TTN: variants seen among roughly 807,000 people sequenced by gnomAD.
The protein encoded by TTN is titin, also known as connectin.
A neutral mutation model predicts 3,223.0 loss-of-function variants in TTN; 1,525 were observed. That is an observed-to-expected ratio of 0.47 (90% CI 0.45 to 0.49). The LOEUF is 0.49. Among genes scored for constraint, TTN ranks in the 20% least tolerant of loss-of-function variants. The pLI, the probability that TTN is intolerant of heterozygous loss-of-function variation, is 0.00. For synonymous variants in TTN, 14,094 were observed against 15,161.0 expected (o/e 0.93, Z 5.17); for missense variants, 40,786 against 43,424.0 (o/e 0.94, Z 5.40).
rs771612568 is a variant in TTN at position 178,531,517 on chromosome 2, C to T, written c.105098G>A (p.Gly35033Glu). The T allele has an allele frequency of 8.1e-6, 13 of 1,613,932 alleles. No individual in the cohort carries two copies. Among genetic ancestry groups the T allele is most frequent in the Non-Finnish European group, 9.3e-6 (11 of 1,179,876 alleles). ...ASDYATLDVT[G>E]GDYTTYASQR... ...GGAAGCATAGGTGGTATAATCCCCT[C>T]CTGTCACGTCCAACGTTGCATAGTC... The change falls in exon 358 of 363, where the codon GGA (glycine) becomes GAA (glutamate). Residue 35033 changes from glycine to glutamate, a missense_variant. Transcript: ENST00000589042.
At chr2:178,541,612 A>T (rs2154141777) in intron 349 of TTN, 28 bp from the exon 350 acceptor site, 1 of 1,562,570 alleles carries the variant, frequency 6.4e-7, no homozygotes, top group South Asian at 1.2e-5. Context: ...TTAACACGAT[A>T]TGGCAATATG....
At position 178,574,908 on chromosome 2, in the gene TTN, C is replaced by G. The variant is rs1205041822; in HGVS notation, c.71224G>C (p.Asp23742His). ...GGGTCCCAAGAGAAGGTTACAAAATCAGATGAAACTTCATCAAATTTGATT... is the reference window on the plus strand; with the variant it reads ...GGGTCCCAAGAGAAGGTTACAAAATGAGATGAAACTTCATCAAATTTGATT... ...GPIKFDEVSS[D>H]FVTFSWDPPE... Residue 23742 changes from aspartate to histidine, a missense_variant, in exon 326 of 363, where the codon GAT becomes CAT. Transcript: ENST00000589042. The G allele has an allele frequency of 1.9e-6, 3 of 1,612,818 alleles. No homozygotes were observed. Among genetic ancestry groups the G allele is most frequent in the Non-Finnish European group, 1.7e-6 (2 of 1,179,384 alleles).
At chr2:178,795,440 C>T (rs924003678) in intron 6 of TTN, among the ~76,000 whole-genome samples, 188 bp from the exon 7 acceptor site, 11 of 151,990 alleles carry the variant, frequency 7.2e-5, no homozygotes, top group Non-Finnish European at 1.3e-4. Context: ...CTATTCTTAT[C>T]TGCTGTAACC....
chr2:178,543,324 A>G lies in TTN; in HGVS notation c.96649T>C (p.Ser32217Pro). The stretch of plus-strand genomic sequence containing the variant: ...TTTTCCCAGGCAAGGGTAACAGTGG[A>G]TTTGGTGACATCGACCACTTCTAGC... The part of the protein sequence containing the change: ...AKLEVVDVTK[S>P]TVTLAWEKPL... Residue 32217 changes from serine to proline, a missense_variant, in exon 347 of 363, where the codon TCC becomes CCC. Transcript: ENST00000589042. 6.2e-7 allele frequency: 1 copy of G among 1,613,808 alleles called. No homozygotes were observed. The highest frequency in any genetic ancestry group is 8.5e-7 in the Non-Finnish European group (1 of 1,179,806).
intron 117 of TTN, among the ~76,000 whole-genome samples, 156 bp from the exon 118 acceptor site, chr2:178,694,164 GT>G (rs1402074593): frequency 3.9e-5 from 6 of 152,072 alleles, no homozygotes; most frequent in African/African-American, 1.4e-4. Flanking sequence ...AACAAATCAT[GT>G]TTTGATCTAT....
In TTN at chr2:178,709,735, G is replaced by A; in HGVS notation, c.28584C>T (p.Tyr9528=). 1 of 1,613,762 alleles carries A rather than the reference G, an allele frequency of 6.2e-7. No homozygotes were observed. The highest frequency in any genetic ancestry group is 8.5e-7 in the Non-Finnish European group (1 of 1,179,774). ...AGSQPITVAW[Y]KNNIEIQPTS... ...TTGGTTGTATCTCTATATTATTTTT[G>A]TACCAGGCAACAGTTATAGGTTGGG... Residue 9528 remains tyrosine, a synonymous_variant, in exon 99 of 363, where the codon TAC becomes TAT. Transcript: ENST00000589042.
rs1001238 is a variant in TTN at position 178,599,800 on chromosome 2, T to C, written c.56101A>G (p.Asn18701Asp). 0.28 allele frequency: 448,252 copies of C among 1,607,130 alleles called. 75,371 individuals carry two copies. Among genetic ancestry groups the C allele is most frequent in the East Asian group, 0.7 (31,261 of 44,512 alleles). ...TTAATTTTGGCCACAATGTTAACATTGGTTCCTTCTTCAACCTCCATGAAT... is the reference window on the plus strand; with the variant it reads ...TTAATTTTGGCCACAATGTTAACATCGGTTCCTTCTTCAACCTCCATGAAT... ...KEFMEVEEGT[N>D]VNIVAKIKGV... The change falls in exon 289 of 363, where the codon AAT (asparagine) becomes GAT (aspartate). Residue 18701 changes from asparagine (N) to aspartate (D), a missense_variant. Physicochemically the swap from Asn to Asp is conservative, Grantham distance 23. Coordinates refer to ENST00000589042, the MANE Select transcript of TTN (RefSeq NM_001267550.2).
chr2:178,605,635 C>T lies in TTN; in HGVS notation c.53660G>A (p.Arg17887His), dbSNP rs749310329. Residue 17887 changes from arginine (R) to histidine (H), a missense_variant, in exon 279 of 363, where the codon CGC becomes CAC. Arg to His is a conservative substitution (Grantham distance 29). Transcript: ENST00000589042. ...STITLDWKEP[R>H]SNGGSPIQGY... ...TTGGATGGGACTGCCACCATTACTG[C>T]GGGGCTCTTTCCAGTCAAGTGTGAT... 5.6e-6 allele frequency: 9 copies of T among 1,611,440 alleles called. No individual in the cohort carries two copies. The highest frequency in any genetic ancestry group is 1.7e-5 in the Admixed American group (1 of 59,898).
chr2:178,695,427 G>A lies in TTN; in HGVS notation c.31208-17C>T. 1 of 1,605,898 alleles carries A rather than the reference G, an allele frequency of 6.2e-7. No homozygotes were observed. Among genetic ancestry groups the A allele is most frequent in the Non-Finnish European group, 8.5e-7 (1 of 1,173,124 alleles). On this transcript the variant is annotated splice_polypyrimidine_tract_variant and intron_variant, in intron 114 of 362. Transcript: ENST00000589042. ...CATGTGATTCTGAAATAAAAACACA[G>A]GAATAAGAAGGGATGCTTAAATAGG...
In TTN at chr2:178,546,677, A is replaced by G. The variant is rs1224689157; in HGVS notation, c.94751T>C (p.Val31584Ala). 1 of 1,613,784 alleles carries G rather than the reference A, an allele frequency of 6.2e-7. No individual in the cohort carries two copies. Among genetic ancestry groups the G allele is most frequent in the African/African-American group, 1.3e-5 (1 of 75,040 alleles). The change falls in exon 341 of 363, where the codon GTG (valine) becomes GCG (alanine). Residue 31584 changes from valine (V) to alanine (A), a missense_variant. Coordinates refer to ENST00000589042, the MANE Select transcript of TTN (RefSeq NM_001267550.2). Reference sequence around the variant, plus strand: ...TACGCCTGCTGCATTCTTGGCTAACACACGGAACTCATAAGTGTCTCCTTC... The same window carrying G: ...TACGCCTGCTGCATTCTTGGCTAACGCACGGAACTCATAAGTGTCTCCTTC... ...LSEGDTYEFR[V>A]LAKNAAGVIS...
At chr2:178,672,336 A>G (rs2067154204) in intron 154 of TTN, 69 bp from the exon 155 acceptor site, 1 of 1,600,442 alleles carries the variant, frequency 6.2e-7, no homozygotes, top group South Asian at 1.1e-5. Flanking sequence ...CATTCAAAAT[A>G]TATATTTTTA....
chr2:178,786,600 C>T (rs1005791424), intron 13 of TTN, among the ~76,000 whole-genome samples: 1 of 152,076 alleles, frequency 6.6e-6, no homozygotes, highest in African/African-American at 2.4e-5. Flanking sequence ...TCATCCTGTC[C>T]AGAAAAATCA....
intron 126 of TTN, 72 bp downstream of exon 126, chr2:178,688,605 A>C: frequency 2.9e-6 from 3 of 1,028,034 alleles, no homozygotes; most frequent in Non-Finnish European, 4.6e-6. Context: ...GTAAACAATC[A>C]CATGTGGAAG....
intron 294 of TTN, among the ~76,000 whole-genome samples, chr2:178,596,396 G>C (rs531863813): frequency 2.6e-5 from 4 of 152,158 alleles, no homozygotes; most frequent in African/African-American, 7.2e-5. Flanking sequence ...TTGTGAGTTG[G>C]ACAGGAGGGA....
At position 178,572,249 on chromosome 2, in the gene TTN, A is replaced by G. The variant is rs1277357050; in HGVS notation, c.73883T>C (p.Val24628Ala). ...AGAGAGTGACACACTATTTCTTGTG[A>G]CATCCATCAAAGTTATTTTTCCTGG... ...LPPGKITLMD[V>A]TRNSVSLSWE... is the part of the protein sequence containing the mutation. Residue 24628 changes from valine to alanine, a missense_variant, in exon 326 of 363, where the codon GTC becomes GCC. Physicochemically the swap from Val to Ala is moderately conservative, Grantham distance 64. Coordinates refer to ENST00000589042, the MANE Select transcript of TTN (RefSeq NM_001267550.2). 1 of 1,613,336 alleles carries G rather than the reference A, an allele frequency of 6.2e-7. No homozygotes were observed. The highest frequency in any genetic ancestry group is 1.1e-5 in the South Asian group (1 of 91,052).
At position 178,724,329 on chromosome 2, in the gene TTN, C is replaced by T. The variant is rs2078965197; in HGVS notation, c.21046G>A (p.Gly7016Ser). 1.2e-6 allele frequency: 2 copies of T among 1,613,462 alleles called. No homozygotes were observed. The highest frequency in any genetic ancestry group is 2.7e-5 in the African/African-American group (2 of 74,902). Residue 7016 changes from glycine to serine, a missense_variant, in exon 72 of 363, where the codon GGC becomes AGC. Transcript: ENST00000589042. The part of the protein sequence containing the change: ...RILSVERQDA[G>S]TYTFQVQNNV... ...TTTTGAACCTGGAAAGTGTATGTGC[C>T]TGCATCTTGCCTTTCAACTGAGAGA...
rs145308122 is a variant in TTN at position 178,739,110 on chromosome 2, C to T, written c.14092+31G>A. 2,797 of 1,485,494 alleles carry T rather than the reference C, an allele frequency of 1.9e-3. 39 individuals are homozygous for T. The South Asian group carries it at 0.02, about 11-fold the overall frequency. 92.0% of individuals were successfully genotyped at this position (1,485,494 alleles called of 1,614,324 possible). A position where few individuals can be genotyped will look rare whatever the true frequency, so the allele number is the denominator to read the frequency against. ...ATCATTACAATCCAGTGAATGTTAG[C>T]ATTTGATCTATTTTATCCTTAAAAT... On this transcript the variant is annotated intron_variant, in intron 48 of 362. Coordinates refer to ENST00000589042, the MANE Select transcript of TTN (RefSeq NM_001267550.2).
At chr2:178,633,774 T>A in intron 231 of TTN, 43 bp downstream of exon 231, 1 of 1,608,112 alleles carries the variant, frequency 6.2e-7, no homozygotes, top group South Asian at 1.1e-5. Flanking sequence ...CCCACTCCCA[T>A]GATTCAGAAA....
Position 178,729,736 on chromosome 2 carries a change from T to C in TTN, c.18517A>G (p.Ser6173Gly). ...FQISGARVENSGTYVCEARND... is the reference protein window; with the variant it reads ...FQISGARVENGGTYVCEARND... ...CGAGCTTCACACACATAAGTCCCAC[T>C]ATTTTCTACCCTGGCACCAGAAATC... Residue 6173 changes from serine (S) to glycine (G), a missense_variant, in exon 63 of 363, where the codon AGT (serine) becomes GGT (glycine). Ser to Gly is a moderately conservative substitution (Grantham distance 56). Coordinates refer to ENST00000589042, the MANE Select transcript of TTN (RefSeq NM_001267550.2). 2 of 1,613,754 alleles carry C rather than the reference T, an allele frequency of 1.2e-6. No individual in the cohort carries two copies. Among genetic ancestry groups the C allele is most frequent in the African/African-American group, 1.3e-5 (1 of 75,026 alleles).
Sources: gnomAD v4.1 joint callset for allele counts (sites outside exome capture counted in the v4.1 genomes callset) on GRCh38, gnomAD v4.1.1 for gene constraint, MANE v1.5 for transcripts, NCBI Gene and HGNC (gene_info 2026-07-23, HGNC 2026-07-21) for gene names.